RBM44: variants seen among roughly 807,000 people sequenced by gnomAD.
The protein encoded by RBM44 is RNA binding motif protein 44.
In RBM44, 66 loss-of-function variants were observed where a neutral mutation model predicts 105.1. The observed-to-expected ratio is 0.63, with a 90% CI of 0.52 to 0.77. RBM44 has a LOEUF of 0.77. Ranked by LOEUF, RBM44 falls within the 30% of genes least tolerant of loss-of-function variation. RBM44 has a pLI of 0.00. For missense variants in RBM44, 1,122 were observed against 1,207.8 expected, an observed-to-expected ratio of 0.93 and a Z score of 1.05; for synonymous variants, 365 against 417.6, an observed-to-expected ratio of 0.87 and a Z score of 1.54.
chr2:237,800,570 G>T (rs564173047), intron 1 of RBM44, among the ~76,000 whole-genome samples: 3 of 152,166 alleles, frequency 2.0e-5, no homozygotes, highest in African/African-American at 7.2e-5. Flanking sequence ...CCAATTTTTT[G>T]AAAATATGTT....
At chr2:237,806,865 G>A (rs1323695530) in intron 1 of RBM44, among the ~76,000 whole-genome samples, 2 of 152,178 alleles carry the variant, frequency 1.3e-5, no homozygotes, top group African/African-American at 2.4e-5. Flanking sequence ...TTTTGAAAAT[G>A]GGTGGGGTGG....
chr2:237,824,405 T>C lies in RBM44; in HGVS notation c.2435T>C (p.Leu812Ser). 1.9e-6 allele frequency: 3 copies of C among 1,612,604 alleles called. No individual in the cohort carries two copies. Among genetic ancestry groups the C allele is most frequent in the Non-Finnish European group, 2.5e-6 (3 of 1,179,072 alleles). The change falls in exon 10 of 16, where the codon TTG becomes TCG. Residue 812 changes from leucine to serine, a missense_variant. Physicochemically the swap from Leu to Ser is moderately radical, Grantham distance 145. Transcript: ENST00000316997. ...GNQVEQDTWN[L>S]DLTGEMKNVE... ...CAAGTAGAACAAGACACATGGAATT[T>C]GGATCTTACAGGAGGTTGGTTCTCA...
intron 10 of RBM44, among the ~76,000 whole-genome samples, chr2:237,825,047 T>A (rs1380947131): frequency 6.6e-6 from 1 of 152,054 alleles, no homozygotes; most frequent in Non-Finnish European, 1.5e-5. Flanking sequence ...TTATTATGGT[T>A]TTTTTAATAA....
chr2:237,831,194 C>T (rs2061899113), intron 13 of RBM44, among the ~76,000 whole-genome samples: 1 of 141,542 alleles, frequency 7.1e-6, no homozygotes, highest in Non-Finnish European at 1.5e-5. Flanking sequence ...AGGATTTTCA[C>T]TTGACTTTGC....
At chr2:237,808,341 T>A (rs1167268089) in intron 1 of RBM44, among the ~76,000 whole-genome samples, 1 of 151,868 alleles carries the variant, frequency 6.6e-6, no homozygotes. Flanking sequence ...TCCTAGCTAC[T>A]AGGGAAGCTG....
rs1483602572 is a variant in RBM44, at chr2:237,817,013, A to G, written c.94A>G (p.Lys32Glu). 11 of 1,539,322 alleles carry G rather than the reference A, an allele frequency of 7.1e-6. No homozygotes were observed. In the East Asian group the frequency reaches 2.3e-4, roughly 32 times the overall value. The part of the protein sequence containing the change: ...LQKDKPSNPK[K>E]ENLLLSSNGC... ...ATCAGATAAACCTTCAAATCCAAAG[A>G]AAGAAAATTTGTTATTATCCTCCAA... The change falls in exon 3 of 16, where the codon AAA becomes GAA. Residue 32 changes from lysine (K) to glutamate (E), a missense_variant. Lys to Glu is a moderately conservative substitution (Grantham distance 56). Around this residue, in one of 3 missense-constraint regions of RBM44, gnomAD observed 918 missense variants for 955.3 expected, o/e 0.96. Coordinates refer to ENST00000316997, the MANE Select transcript of RBM44 (RefSeq NM_001080504.3).
At chr2:237,833,942 T>C in intron 13 of RBM44, 55 bp from the exon 14 acceptor site, 1 of 962,414 alleles carries the variant, frequency 1.0e-6, no homozygotes, top group Non-Finnish European at 1.4e-6. Context: ...AGCGGTATTA[T>C]CTTTATGTAA....
intron 13 of RBM44, among the ~76,000 whole-genome samples, chr2:237,833,403 G>A (rs2150989058): frequency 6.6e-6 from 1 of 152,108 alleles, no homozygotes; most frequent in Middle Eastern, 3.4e-3. Flanking sequence ...GTAACTAATT[G>A]GTCATTTTAA....
chr2:237,818,760 G>A lies in RBM44; in HGVS notation c.1678-141G>A. On this transcript the variant is annotated intron_variant, in intron 3 of 15. Coordinates refer to ENST00000316997, the MANE Select transcript of RBM44 (RefSeq NM_001080504.3). The surrounding 1 kb of genome is among the most constrained non-coding windows in gnomAD (Gnocchi z 4.6). ...ATTAAAAAGTAAATTAAAAAAAAAA[G>A]ACGTGTAAATTACCACCAGTTCTAT... 1 of 637,318 alleles carries A rather than the reference G, an allele frequency of 1.6e-6. No homozygotes were observed. Among genetic ancestry groups the A allele is most frequent in the Non-Finnish European group, 2.6e-6 (1 of 385,768 alleles). 39.5% of individuals were successfully genotyped at this position (637,318 alleles called of 1,614,324 possible).
In RBM44 at chr2:237,824,297, G is replaced by T; in HGVS notation, c.2327G>T (p.Arg776Ile). 6.2e-7 allele frequency: 1 copy of T among 1,612,902 alleles called. No homozygotes were observed. The highest frequency in any genetic ancestry group is 1.1e-5 in the South Asian group (1 of 91,002). ...SQLKLGDKDCRHYQETSEDWS... is the reference protein window; with the variant it reads ...SQLKLGDKDCIHYQETSEDWS... Reference sequence around the variant, plus strand: ...ACTGTGTTGAGTGTCTTAGACTGCAGACATTACCAAGAGACAAGCGAAGAC... The same window carrying T: ...ACTGTGTTGAGTGTCTTAGACTGCATACATTACCAAGAGACAAGCGAAGAC... The change falls in exon 10 of 16, where the codon AGA becomes ATA. Residue 776 changes from arginine (R) to isoleucine (I), a missense_variant. Physicochemically the swap from Arg to Ile is moderately conservative, Grantham distance 97. This residue lies in a region of RBM44 where 918 missense variants were observed against 955.3 expected (regional missense o/e 0.96). Coordinates refer to ENST00000316997, the MANE Select transcript of RBM44 (RefSeq NM_001080504.3).
At chr2:237,833,691 A>G (rs1394529044) in intron 13 of RBM44, among the ~76,000 whole-genome samples, 8 of 152,206 alleles carry the variant, frequency 5.3e-5, no homozygotes, top group Non-Finnish European at 1.2e-4. Flanking sequence ...GAATTGAGAA[A>G]GTAGTTACAT....
chr2:237,840,360 G>A (rs2150994026), intron 15 of RBM44, among the ~76,000 whole-genome samples: 1 of 152,228 alleles, frequency 6.6e-6, no homozygotes, highest in Middle Eastern at 3.4e-3. Flanking sequence ...TAACTGGTTA[G>A]CCATATGCAG....
rs146940370 is a variant in RBM44, at chr2:237,804,630, A to C, written c.-19+5769A>C. Among the ~76,000 whole-genome samples the C allele has an allele frequency of 2.8e-3, 424 of 152,176 alleles. 4 individuals carry two copies. The highest frequency in any genetic ancestry group is 9.9e-3 in the African/African-American group (409 of 41,518). On this transcript the variant is annotated intron_variant, in intron 1 of 15. Coordinates refer to ENST00000316997, the MANE Select transcript of RBM44 (RefSeq NM_001080504.3). Reference sequence around the variant, plus strand: ...ATGTCCTTTGCCCATTTTTTAATAAAGTTATTTGTTTTTCACTTGTTGATT... The same window carrying C: ...ATGTCCTTTGCCCATTTTTTAATAACGTTATTTGTTTTTCACTTGTTGATT...
At chr2:237,813,786 C>T (rs2061684234) in intron 2 of RBM44, 104 bp downstream of exon 2, 2 of 714,864 alleles carry the variant, frequency 2.8e-6, no homozygotes, top group East Asian at 2.7e-5. Flanking sequence ...ACTCTTCCTC[C>T]CTCTAAGGTG....
At position 237,803,078 on chromosome 2, in the gene RBM44, C is replaced by T. The variant is rs1041046699; in HGVS notation, c.-19+4217C>T. ...GGTCAGGAGTTCAAGACCAACCTGGCCAACATGGTGAAACCCCATCTGTAC... is the reference window on the plus strand; with the variant it reads ...GGTCAGGAGTTCAAGACCAACCTGGTCAACATGGTGAAACCCCATCTGTAC... On this transcript the variant is annotated intron_variant, in intron 1 of 15. Transcript: ENST00000316997. The surrounding 1 kb of genome is among the most constrained non-coding windows in gnomAD (Gnocchi z 4.2). Among the ~76,000 whole-genome samples the T allele has an allele frequency of 1.3e-5, 2 of 152,142 alleles. No homozygotes were observed. The highest frequency in any genetic ancestry group is 6.5e-5 in the Admixed American group (1 of 15,278).
intron 1 of RBM44, among the ~76,000 whole-genome samples, chr2:237,804,104 A>T (rs1373967696): frequency 1.3e-5 from 2 of 152,120 alleles, no homozygotes; most frequent in Non-Finnish European, 2.9e-5. Flanking sequence ...TCCTGACCTC[A>T]GGCGATCCAC....
intron 1 of RBM44, among the ~76,000 whole-genome samples, chr2:237,805,173 G>C (rs2061586360): frequency 6.6e-6 from 1 of 152,140 alleles, no homozygotes; most frequent in South Asian, 2.1e-4. Context: ...ATAAAAACCA[G>C]TAGCATTTAT....
intron 1 of RBM44, among the ~76,000 whole-genome samples, chr2:237,805,408 C>T (rs1295512725): frequency 6.6e-6 from 1 of 152,162 alleles, no homozygotes; most frequent in Non-Finnish European, 1.5e-5. Flanking sequence ...AATGGCCATA[C>T]TCCCCAAATC....
Position 237,821,200 on chromosome 2 carries a change from C to G in RBM44, c.2043C>G (p.Pro681=), listed in dbSNP as rs2061784401. The change falls in exon 6 of 16, where the codon CCC becomes CCG. Residue 681 remains proline (P), a synonymous_variant. Coordinates refer to ENST00000316997, the MANE Select transcript of RBM44 (RefSeq NM_001080504.3). ...IHKGIPLEEL[P]PLSLESKLLS... ...AAGGCATACCACTGGAAGAGCTGCC[C>G]CCACTGTCACTAGAATCAAAATTAT... The G allele has an allele frequency of 1.2e-6, 2 of 1,610,146 alleles. No homozygotes were observed. The highest frequency in any genetic ancestry group is 1.7e-6 in the Non-Finnish European group (2 of 1,178,240).
Sources: allele counts gnomAD v4.1 joint callset (sites outside exome capture counted in the v4.1 genomes callset), GRCh38; gene constraint gnomAD v4.1.1; regional missense constraint gnomAD v4.1.1; non-coding constraint Gnocchi (gnomAD v3.1); transcripts MANE v1.5; gene names NCBI Gene and HGNC (gene_info 2026-07-23, HGNC 2026-07-21).